The following SIL1 variants were observed in gnomAD, a reference collection of about 807,000 sequenced individuals.
SIL1 encodes the protein nucleotide exchange factor SIL1.
A neutral mutation model predicts 49.1 loss-of-function variants in SIL1; 40 were observed. That is an observed-to-expected ratio of 0.81 (90% CI 0.63 to 1.06). The LOEUF (loss-of-function observed/expected upper bound fraction) is 1.06, where lower values mean the gene tolerates loss of function less well. SIL1 is among the 50% of genes least tolerant of loss of function. SIL1 has a pLI of 0.00. For synonymous variants in SIL1, 253 were observed against 250.8 expected (o/e 1.01, Z -0.08); for missense variants, 500 against 572.6 (o/e 0.87, Z 1.29).
intron 3 of SIL1, among the ~76,000 whole-genome samples, chr5:139,110,549 C>T (rs910989691): frequency 1.3e-5 from 2 of 152,170 alleles, no homozygotes; most frequent in African/African-American, 4.8e-5. Flanking sequence ...TAAGGAAAAA[C>T]CAACAACTTA....
chr5:139,064,004 A>C (rs1769648488), intron 3 of SIL1, among the ~76,000 whole-genome samples: 1 of 152,232 alleles, frequency 6.6e-6, no homozygotes, highest in Non-Finnish European at 1.5e-5. Flanking sequence ...AAGGGTTAAA[A>C]AAGCAAAGTG....
intron 3 of SIL1, among the ~76,000 whole-genome samples, chr5:139,082,899 C>T (rs1770118087): frequency 6.6e-6 from 1 of 152,186 alleles, no homozygotes; most frequent in Non-Finnish European, 1.5e-5. Context: ...ATAGCTCCAG[C>T]CATGGAAAGT....
intron 3 of SIL1, among the ~76,000 whole-genome samples, chr5:139,052,162 G>T (rs1769303449): frequency 6.6e-6 from 1 of 152,142 alleles, no homozygotes; most frequent in African/African-American, 2.4e-5. Flanking sequence ...TAATGATATA[G>T]GCAAGTATTC....
chr5:139,006,878 T>G lies in SIL1; in HGVS notation c.767+14293A>C, dbSNP rs1768131038. Among the ~76,000 whole-genome samples the G allele has an allele frequency of 3.4e-5, 5 of 148,262 alleles. No homozygotes were observed. The South Asian group carries it at 1.1e-3, about 33-fold the overall frequency. ...GTTACTGTAGCCTTGTAGTATAGTT[T>G]GAAGTCAGGTAGTGTGATGCCTCCA... On this transcript the variant is annotated intron_variant, in intron 7 of 9. Transcript: ENST00000394817.
intron 3 of SIL1, among the ~76,000 whole-genome samples, chr5:139,057,528 G>C (rs1769482242): frequency 6.6e-6 from 1 of 152,026 alleles, no homozygotes. Flanking sequence ...ACCAGAGCAG[G>C]TGGAGGCAGA....
Position 139,134,964 on chromosome 5 carries a change from A to G in SIL1, c.-10-7111T>C, listed in dbSNP as rs568552143. 3.9e-5 allele frequency among the ~76,000 whole-genome samples: 6 copies of G among 152,330 alleles called. No individual in the cohort carries two copies. The East Asian group carries it at 9.6e-4, about 24-fold the overall frequency. ...AAATATGAAGCTGGAGAAACAACGC[A>G]AAGAGGACACTGAAAGGACGCCCCT... On this transcript the variant is annotated intron_variant, in intron 1 of 9. Coordinates refer to ENST00000394817, the MANE Select transcript of SIL1 (RefSeq NM_022464.5).
chr5:138,969,936 G>T (rs1451133462), intron 7 of SIL1, among the ~76,000 whole-genome samples: 2 of 152,186 alleles, frequency 1.3e-5, no homozygotes, highest in Non-Finnish European at 2.9e-5. Context: ...TTTAGCACCA[G>T]CTCACACTGG....
intron 3 of SIL1, among the ~76,000 whole-genome samples, chr5:139,106,442 T>C (rs1411780417): frequency 6.6e-6 from 1 of 152,256 alleles, no homozygotes; most frequent in Non-Finnish European, 1.5e-5. Context: ...TGTCACAGCA[T>C]TGAGTAATCC....
At chr5:138,997,189 C>A (rs1336670433) in intron 7 of SIL1, among the ~76,000 whole-genome samples, 2 of 152,126 alleles carry the variant, frequency 1.3e-5, no homozygotes, top group Non-Finnish European at 2.9e-5. Context: ...CTTGGGCTCC[C>A]CAAATGCTGG....
intron 7 of SIL1, among the ~76,000 whole-genome samples, chr5:138,974,957 C>T (rs1037585467): frequency 6.6e-5 from 10 of 152,138 alleles, no homozygotes; most frequent in Admixed American, 6.5e-4. Context: ...GTAACTTGCC[C>T]AGAGATATAC....
At chr5:139,085,982 G>A (rs753868815) in intron 3 of SIL1, among the ~76,000 whole-genome samples, 6 of 151,954 alleles carry the variant, frequency 3.9e-5, no homozygotes, top group Non-Finnish European at 5.9e-5. Context: ...GCAATTTGCC[G>A]GCCAGCTTGG....
chr5:139,052,135 A>C (rs1241027289), intron 3 of SIL1, among the ~76,000 whole-genome samples: 1 of 152,116 alleles, frequency 6.6e-6, no homozygotes, highest in Non-Finnish European at 1.5e-5. Flanking sequence ...AATCAGGTAA[A>C]CTCAAGTATA....
At chr5:139,136,757 C>T (rs915911478) in intron 1 of SIL1, among the ~76,000 whole-genome samples, 3 of 152,068 alleles carry the variant, frequency 2.0e-5, no homozygotes, top group African/African-American at 4.8e-5. Flanking sequence ...AGATTTGAGG[C>T]CACATTTCTA....
At chr5:139,069,363 C>T (rs749461087) in intron 3 of SIL1, among the ~76,000 whole-genome samples, 3 of 151,838 alleles carry the variant, frequency 2.0e-5, no homozygotes, top group African/African-American at 4.8e-5. Context: ...CAAATAATCA[C>T]AACAGAAAAT....
chr5:139,123,175 C>T (rs1750681130), intron 2 of SIL1, among the ~76,000 whole-genome samples: 1 of 152,142 alleles, frequency 6.6e-6, no homozygotes, highest in African/African-American at 2.4e-5. Context: ...CAGCCTGGTG[C>T]CTCAAACCCC....
rs375108566 is a variant in SIL1, at chr5:139,036,510, C to T, written c.453+6110G>A. On this transcript the variant is annotated intron_variant, in intron 5 of 9. Transcript: ENST00000394817. Reference sequence around the variant, plus strand: ...ACTGGGCAAAGACCATGGAATACTACGCAGCCATAAAAAAGAATGAGATCT... The same window carrying T: ...ACTGGGCAAAGACCATGGAATACTATGCAGCCATAAAAAAGAATGAGATCT... Among the ~76,000 whole-genome samples, 34 of 152,206 alleles carry T rather than the reference C, an allele frequency of 2.2e-4. No homozygotes were observed. The South Asian group carries it at 4.1e-3, about 19-fold the overall frequency.
At chr5:138,968,446 T>C (rs1767198349) in intron 7 of SIL1, among the ~76,000 whole-genome samples, 1 of 152,186 alleles carries the variant, frequency 6.6e-6, no homozygotes, top group South Asian at 2.1e-4. Flanking sequence ...CAGTGTGCTG[T>C]GTTCCCCACC....
chr5:139,045,958 C>A (rs558173297), intron 4 of SIL1, among the ~76,000 whole-genome samples: 3 of 152,340 alleles, frequency 2.0e-5, no homozygotes, highest in Admixed American at 6.5e-5. Context: ...GAAATGACAT[C>A]CTAATTCTGT....
chr5:139,064,651 T>G (rs1769663007), intron 3 of SIL1, among the ~76,000 whole-genome samples: 1 of 152,244 alleles, frequency 6.6e-6, no homozygotes, highest in South Asian at 2.1e-4. Context: ...AGTAGTGTTG[T>G]GCTTTGCTTT....
Sources: allele counts gnomAD v4.1 joint callset (sites outside exome capture counted in the v4.1 genomes callset), GRCh38; gene constraint gnomAD v4.1.1; transcripts MANE v1.5; gene names NCBI Gene and HGNC (gene_info 2026-07-23, HGNC 2026-07-21).